NPHP3: variants seen among roughly 807,000 people sequenced by gnomAD.
NPHP3 encodes the protein nephrocystin 3, also known as nephrocystin-3.
Under a neutral mutation model 171.9 loss-of-function variants are expected in NPHP3, and 123 were observed. That is an observed-to-expected ratio of 0.72 (90% CI 0.62 to 0.83). The LOEUF (loss-of-function observed/expected upper bound fraction) is 0.83, where lower values mean the gene tolerates loss of function less well. Ranked by LOEUF, NPHP3 falls within the 40% of genes least tolerant of loss-of-function variation. The probability of loss-of-function intolerance (pLI) is 0.00; values close to 1 mark genes in which losing one functional copy is unlikely to be tolerated. For synonymous variants in NPHP3, 558 were observed against 579.2 expected, an observed-to-expected ratio of 0.96 and a Z score of 0.52; for missense variants, 1,506 against 1,591.9, an observed-to-expected ratio of 0.95 and a Z score of 0.92.
At chr3:132,694,739 A>T in intron 16 of NPHP3, 88 bp downstream of exon 16, 4 of 1,511,690 alleles carry the variant, frequency 2.6e-6, no homozygotes, top group Non-Finnish European at 3.6e-6. Context: ...ATATTTAAGC[A>T]CAAATTTTAA....
At chr3:132,690,755 C>T in intron 18 of NPHP3, 105 bp from the exon 19 acceptor site, 1 of 1,119,660 alleles carries the variant, frequency 8.9e-7, no homozygotes, top group Non-Finnish European at 1.3e-6. Context: ...ACATATATCT[C>T]TGATTCTTTA....
chr3:132,715,144 C>G lies in NPHP3; in HGVS notation c.898G>C (p.Val300Leu), dbSNP rs1179004559. The change falls in exon 5 of 27, where the codon GTC (valine) becomes CTC (leucine). Residue 300 changes from valine (V) to leucine (L), a missense_variant. Val to Leu is a conservative substitution (Grantham distance 32, BLOSUM62 1). Transcript: ENST00000337331. ...TCTGTATAAATGAGGTAACATCTGACAGTGTTACTCCACAGAGAATGTGAA... is the reference window on the plus strand; with the variant it reads ...TCTGTATAAATGAGGTAACATCTGAGAGTGTTACTCCACAGAGAATGTGAA... ...LFSHSLWSNT[V>L]RCYLIYTDET... The G allele has an allele frequency of 2.5e-6, 4 of 1,605,702 alleles. No individual in the cohort carries two copies.
intron 3 of NPHP3, among the ~76,000 whole-genome samples, chr3:132,717,551 A>G (rs1313250136): frequency 1.3e-5 from 2 of 152,190 alleles, no homozygotes; most frequent in Middle Eastern, 3.2e-3. Flanking sequence ...CATGGGTGAC[A>G]TTCCCCCTCA....
chr3:132,690,848 C>T lies in NPHP3; in HGVS notation c.2571-198G>A, dbSNP rs558137778. On this transcript the variant is annotated intron_variant, in intron 18 of 26. Transcript: ENST00000337331. The stretch of plus-strand genomic sequence containing the variant: ...AAATAAATTCAGTGATATGCAGAAC[C>T]ATCAACCAAACTCTAAAAGTATTTT... Among the ~76,000 whole-genome samples, 3 of 152,044 alleles carry T rather than the reference C, an allele frequency of 2.0e-5. No individual in the cohort carries two copies. In the South Asian group the frequency reaches 6.2e-4, roughly 32 times the overall value.
At chr3:132,704,081 T>G in intron 9 of NPHP3, 117 bp downstream of exon 9, 2 of 1,024,038 alleles carry the variant, frequency 2.0e-6, no homozygotes, top group East Asian at 4.9e-5. Context: ...AATCAAGCCA[T>G]GAGATTAGAC....
chr3:132,689,038 C>T, intron 20 of NPHP3, 36 bp downstream of exon 20: 1 of 1,613,602 alleles, frequency 6.2e-7, no homozygotes. Flanking sequence ...AAAAATCCCA[C>T]CTGTCTCTGG....
At position 132,681,514 on chromosome 3, in the gene NPHP3, T is replaced by TTTGGGAGGGATCCTTTGGGAG. The variant is rs1422708322; in HGVS notation, c.*395_*396insCTCCCAAAGGATCCCTCCCAA. 1 of 241,102 alleles carries TTTGGGAGGGATCCTTTGGGAG rather than the reference T, an allele frequency of 4.1e-6. No individual in the cohort carries two copies. The highest frequency in any genetic ancestry group is 1.1e-4 in the East Asian group (1 of 8,848). 14.9% of individuals were successfully genotyped at this position (241,102 alleles called of 1,614,324 possible). A position where few individuals can be genotyped will look rare whatever the true frequency, so the allele number is the denominator to read the frequency against. On this transcript the variant is annotated 3_prime_UTR_variant, in exon 27 of 27. Transcript: ENST00000337331. ...AACTCCTGGCCTCAAGTGATCCTCC[T>TTTGGGAGGGATCCTTTGGGAG]GCATCACCCTCCCAAAGTGGTGGGA...
In NPHP3 at chr3:132,681,592, C is replaced by T; in HGVS notation, c.*318G>A. On this transcript the variant is annotated 3_prime_UTR_variant, in exon 27 of 27. Coordinates refer to ENST00000337331, the MANE Select transcript of NPHP3 (RefSeq NM_153240.5). ...CAAGATTCATGGAATTTTTGAACTCCTTGTCTTAACTACTCTGCCAGCTCT... is the reference window on the plus strand; with the variant it reads ...CAAGATTCATGGAATTTTTGAACTCTTTGTCTTAACTACTCTGCCAGCTCT... 3.1e-6 allele frequency: 1 copy of T among 324,876 alleles called. No individual in the cohort carries two copies. Among genetic ancestry groups the T allele is most frequent in the South Asian group, 2.8e-5 (1 of 36,346 alleles). 20.1% of individuals were successfully genotyped at this position (324,876 alleles called of 1,614,324 possible).
At chr3:132,704,658 C>T (rs1939699657) in intron 8 of NPHP3, among the ~76,000 whole-genome samples, 1 of 152,054 alleles carries the variant, frequency 6.6e-6, no homozygotes, top group South Asian at 2.1e-4. Flanking sequence ...AAATGTTACA[C>T]AACATTTTGG....
chr3:132,696,731 C>T lies in NPHP3; in HGVS notation c.2171G>A (p.Arg724His), dbSNP rs1064797063. ...YVTLFGKMIARAGRAGNLDKI... is the reference protein window; with the variant it reads ...YVTLFGKMIAHAGRAGNLDKI... ...ATCATGTAAAATAATCACCACTCAC[C>T]GCGCGATCATTTTGCCGAAAAGGGT... Residue 724 changes from arginine (R) to histidine (H), a missense_variant and splice_region_variant, in exon 15 of 27, where the codon CGT becomes CAT. By Grantham distance (29) the Arg-to-His change is conservative. Transcript: ENST00000337331. 20 of 1,613,582 alleles carry T rather than the reference C, an allele frequency of 1.2e-5. No homozygotes were observed. The East Asian group carries it at 2.0e-4, about 16-fold the overall frequency.
intron 3 of NPHP3, among the ~76,000 whole-genome samples, chr3:132,718,437 T>C (rs548627295): frequency 5.9e-5 from 9 of 152,348 alleles, no homozygotes; most frequent in African/African-American, 1.9e-4. Flanking sequence ...AAGGCAAGTA[T>C]TCTAAATGAT....
At position 132,722,126 on chromosome 3, in the gene NPHP3, G is replaced by A. The variant is rs1257780400; in HGVS notation, c.230C>T (p.Thr77Ile). The A allele has an allele frequency of 1.2e-6, 2 of 1,605,652 alleles. No homozygotes were observed. The highest frequency in any genetic ancestry group is 8.5e-7 in the Non-Finnish European group (1 of 1,179,276). The stretch of plus-strand genomic sequence containing the variant: ...CTCCAGCTCTGGCACCGACGAGCCA[G>A]TGGACTTGAAGCTGGCCCCCAGCAG... ...GGLLGASFKS[T>I]GSSVPELEYA... Residue 77 changes from threonine to isoleucine, a missense_variant, in exon 1 of 27, where the codon ACT (threonine) becomes ATT (isoleucine). Physicochemically the swap from Thr to Ile is moderately conservative, Grantham distance 89. Coordinates refer to ENST00000337331, the MANE Select transcript of NPHP3 (RefSeq NM_153240.5).
chr3:132,721,492 A>G (rs1576690372), intron 1 of NPHP3: 1 of 237,262 alleles, frequency 4.2e-6, no homozygotes, highest in East Asian at 1.2e-4. Context: ...TGAAACTCCT[A>G]GGAAGAGTTT....
Position 132,715,071 on chromosome 3 carries a change from A to C in NPHP3, c.957+14T>G, listed in dbSNP as rs764388879. 5 of 1,604,456 alleles carry C rather than the reference A, an allele frequency of 3.1e-6. No individual in the cohort carries two copies. Among genetic ancestry groups the C allele is most frequent in the Non-Finnish European group, 3.4e-6 (4 of 1,171,728 alleles). On this transcript the variant is annotated intron_variant, in intron 5 of 26. Transcript: ENST00000337331. ...TTTTAAATTGGTTGATACAGAATTT[A>C]TAAATATCCTCACCTTAAGGAAAAG...
intron 13 of NPHP3, among the ~76,000 whole-genome samples, chr3:132,698,900 C>CT (rs898377885): frequency 3.2e-4 from 49 of 151,036 alleles, no homozygotes; most frequent in Admixed American, 1.1e-3. Context: ...CCCCAAATCC[C>CT]TTTTTTTTTG....
At chr3:132,696,651 T>G (rs768108691) in intron 15 of NPHP3, 80 bp downstream of exon 15, 5 of 1,209,574 alleles carry the variant, frequency 4.1e-6, no homozygotes, top group Non-Finnish European at 6.2e-6. Flanking sequence ...TAGTGATCAG[T>G]TCTCAGTTTT....
rs377483515 is a variant in NPHP3 at position 132,688,959 on chromosome 3, AATATTAAGGATT to A, written c.2884-80_2884-69del. Reference sequence around the variant, plus strand: ...TGCTGCAAGATCTGTCATCTGATTAAATATTAAGGATTATAGCACAACAAATGAAAACCACAT... The same window carrying A: ...TGCTGCAAGATCTGTCATCTGATTAAATAGCACAACAAATGAAAACCACAT... On this transcript the variant is annotated intron_variant, in intron 20 of 26. Coordinates refer to ENST00000337331, the MANE Select transcript of NPHP3 (RefSeq NM_153240.5). 11 of 1,612,868 alleles carry A rather than the reference AATATTAAGGATT, an allele frequency of 6.8e-6. No homozygotes were observed. The African/African-American group carries it at 1.2e-4, about 18-fold the overall frequency.
chr3:132,705,836 A>G (rs1385555492), intron 7 of NPHP3, 22 bp from the exon 8 acceptor site: 25 of 1,302,530 alleles, frequency 1.9e-5, no homozygotes, highest in Non-Finnish European at 2.8e-5. Context: ...TCATTTAAGA[A>G]CAATGAGAAA....
At position 132,682,752 on chromosome 3, in the gene NPHP3, G is replaced by A. The variant is rs146054765; in HGVS notation, c.3763C>T (p.Arg1255Trp). The A allele has an allele frequency of 7.8e-5, 126 of 1,613,464 alleles. 1 individual carries two copies. Among genetic ancestry groups the A allele is most frequent in the Non-Finnish European group, 8.5e-5 (100 of 1,179,598 alleles). The change falls in exon 26 of 27, where the codon CGG becomes TGG. Residue 1255 changes from arginine (R) to tryptophan (W), a missense_variant. By Grantham distance (101) the Arg-to-Trp change is moderately radical. Transcript: ENST00000337331. ...GTTTCTCCAACTCGAGGATGCATCCGACCCAGGCTATCTTCATAAATCTTT... is the reference window on the plus strand; with the variant it reads ...GTTTCTCCAACTCGAGGATGCATCCAACCCAGGCTATCTTCATAAATCTTT... ...ALKIYEDSLG[R>W]MHPRVGETLK...
Sources: gnomAD v4.1 joint callset for allele counts (sites outside exome capture counted in the v4.1 genomes callset) on GRCh38, gnomAD v4.1.1 for gene constraint, MANE v1.5 for transcripts, NCBI Gene and HGNC (gene_info 2026-07-23, HGNC 2026-07-21) for gene names.